Variants in ADAMTS16 observed in about 807,000 individuals in gnomAD.
ADAMTS16 encodes A disintegrin and metalloproteinase with thrombospondin motifs 16.
A neutral mutation model predicts 145.8 loss-of-function variants in ADAMTS16; 94 were observed. The ratio of observed to expected loss-of-function variants is 0.64; its 90% confidence interval spans 0.55 to 0.77. ADAMTS16 has a LOEUF of 0.77. Ranked by LOEUF, ADAMTS16 falls within the 30% of genes least tolerant of loss-of-function variation. The pLI is 0.00. For synonymous variants in ADAMTS16, 659 were observed against 604.3 expected (o/e 1.09, Z -1.33); for missense variants, 1,585 against 1,591.5 (o/e 1.00, Z 0.07).
At chr5:5,215,583 A>G (rs1234155491) in intron 10 of ADAMTS16, among the ~76,000 whole-genome samples, 10 of 151,822 alleles carry the variant, frequency 6.6e-5, no homozygotes. Flanking sequence ...AGAACATACA[A>G]TATTTGATTT....
rs1036729111 is a variant in ADAMTS16, at chr5:5,303,441, C to T, written c.2963C>T (p.Pro988Leu). Reference protein sequence around the residue: ...RQACNSQSCPPAWSAGPWAEC... With the variant: ...RQACNSQSCPLAWSAGPWAEC... Reference sequence around the variant, plus strand: ...GCCTGCAACTCTCAGAGCTGCCCACCTGCATGGAGCGCCGGGCCCTGGGCA... The same window carrying T: ...GCCTGCAACTCTCAGAGCTGCCCACTTGCATGGAGCGCCGGGCCCTGGGCA... The change falls in exon 19 of 23, where the codon CCT becomes CTT. Residue 988 changes from proline to leucine, a missense_variant. Physicochemically the swap from Pro to Leu is moderately conservative, Grantham distance 98. Around this residue, in one of 3 missense-constraint regions of ADAMTS16, gnomAD observed 834 missense variants for 811.7 expected, o/e 1.03. Coordinates refer to ENST00000274181, the MANE Select transcript of ADAMTS16 (RefSeq NM_139056.4). 8.7e-6 allele frequency: 14 copies of T among 1,611,128 alleles called. No individual in the cohort carries two copies. Among genetic ancestry groups the T allele is most frequent in the Admixed American group, 1.7e-5 (1 of 59,670 alleles).
chr5:5,198,721 G>T (rs1735875932), intron 8 of ADAMTS16, among the ~76,000 whole-genome samples: 1 of 152,138 alleles, frequency 6.6e-6, no homozygotes, highest in Admixed American at 6.5e-5. Context: ...TTACTAAATA[G>T]CTCTAAGCAA....
At position 5,140,340 on chromosome 5, in the gene ADAMTS16, CCGGCGCGGCGG is replaced by C; in HGVS notation, c.-124_-114del. ...GCCGCACGGAGCTTCAGTAATAACCCCGGCGCGGCGGCGGAGTCGCTGTGGGGAATCCTCCC... is the reference window on the plus strand; with the variant it reads ...GCCGCACGGAGCTTCAGTAATAACCCCGGAGTCGCTGTGGGGAATCCTCCC... On this transcript the variant is annotated 5_prime_UTR_variant, in exon 1 of 23. Coordinates refer to ENST00000274181, the MANE Select transcript of ADAMTS16 (RefSeq NM_139056.4). 1.0e-6 allele frequency: 1 copy of C among 973,036 alleles called. No homozygotes were observed. Among genetic ancestry groups the C allele is most frequent in the Non-Finnish European group, 1.4e-6 (1 of 710,790 alleles). 60.3% of individuals were successfully genotyped at this position (973,036 alleles called of 1,614,324 possible).
chr5:5,254,743 T>G (rs1737730766), intron 17 of ADAMTS16, among the ~76,000 whole-genome samples: 2 of 152,210 alleles, frequency 1.3e-5, no homozygotes, highest in African/African-American at 4.8e-5. Context: ...CTATGAATCA[T>G]TATCTGGTGA....
intron 9 of ADAMTS16, among the ~76,000 whole-genome samples, chr5:5,208,721 T>C (rs1009945575): frequency 6.6e-6 from 1 of 152,228 alleles, no homozygotes; most frequent in Non-Finnish European, 1.5e-5. Flanking sequence ...ATTTTTATAA[T>C]GCCCATCTTT....
chr5:5,200,328 G>A, intron 9 of ADAMTS16, 59 bp downstream of exon 9: 2 of 1,600,012 alleles, frequency 1.2e-6, no homozygotes, highest in Non-Finnish European at 8.5e-7. Context: ...TCACTGCCTG[G>A]TCAGCCAGAT....
At chr5:5,266,859 A>G (rs1264911823) in intron 18 of ADAMTS16, among the ~76,000 whole-genome samples, 3 of 152,178 alleles carry the variant, frequency 2.0e-5, no homozygotes, top group African/African-American at 7.2e-5. Context: ...TCAAAACATC[A>G]CTTTCCAAGC....
At chr5:5,307,258 G>T (rs72647763) in intron 21 of ADAMTS16, among the ~76,000 whole-genome samples, 1,622 of 152,258 alleles carry the variant, frequency 0.011, 13 homozygotes, top group Non-Finnish European at 0.016. Flanking sequence ...TCGGGTCGGG[G>T]TGGGCCCAGA....
chr5:5,281,329 T>A (rs1738897897), intron 18 of ADAMTS16, among the ~76,000 whole-genome samples: 1 of 152,232 alleles, frequency 6.6e-6, no homozygotes, highest in African/African-American at 2.4e-5. Flanking sequence ...TTAAAACTTT[T>A]GTATTAAAAC....
intron 4 of ADAMTS16, among the ~76,000 whole-genome samples, chr5:5,183,399 G>C (rs746250565): frequency 6.6e-6 from 1 of 152,234 alleles, no homozygotes; most frequent in African/African-American, 2.4e-5. Flanking sequence ...GATGCGTGGC[G>C]GAGGCTTCCC....
chr5:5,217,673 G>T lies in ADAMTS16; in HGVS notation c.1606-5116G>T, dbSNP rs191667514. The stretch of plus-strand genomic sequence containing the variant: ...GTGGTGTTAAACCTTAACCAAGTTG[G>T]TATTACTGAAATTGGTTTTTGTGAA... On this transcript the variant is annotated intron_variant, in intron 10 of 22. Transcript: ENST00000274181. 3.3e-4 allele frequency among the ~76,000 whole-genome samples: 50 copies of T among 152,244 alleles called. 1 individual carries two copies. The East Asian group carries it at 9.1e-3, about 28-fold the overall frequency.
At chr5:5,170,492 C>G (rs888557624) in intron 3 of ADAMTS16, among the ~76,000 whole-genome samples, 1 of 152,112 alleles carries the variant, frequency 6.6e-6, no homozygotes, top group Admixed American at 6.6e-5. Flanking sequence ...GATTCTCCTG[C>G]CTCAGCCCCC....
At chr5:5,209,321 A>G (rs1736213834) in intron 10 of ADAMTS16, 75 bp downstream of exon 10, 2 of 1,535,494 alleles carry the variant, frequency 1.3e-6, no homozygotes, top group African/African-American at 2.7e-5. Context: ...TGATGTTGAT[A>G]TATTCTGCAT....
chr5:5,152,030 T>C (rs1052989190), intron 3 of ADAMTS16, among the ~76,000 whole-genome samples: 5 of 152,368 alleles, frequency 3.3e-5, no homozygotes, highest in Admixed American at 6.5e-5. Flanking sequence ...TTATTTCACT[T>C]AGCATATTGT....
intron 3 of ADAMTS16, among the ~76,000 whole-genome samples, chr5:5,160,075 G>A (rs903739720): frequency 4.6e-5 from 7 of 152,176 alleles, no homozygotes; most frequent in Non-Finnish European, 7.3e-5. Flanking sequence ...ATCTTTTATA[G>A]CACATGTCTA....
At chr5:5,211,854 C>T (rs1446390044) in intron 10 of ADAMTS16, among the ~76,000 whole-genome samples, 1 of 152,016 alleles carries the variant, frequency 6.6e-6, no homozygotes, top group African/African-American at 2.4e-5. Flanking sequence ...AAATAATTCT[C>T]CAGATAACTT....
chr5:5,282,077 C>T (rs1363655177), intron 18 of ADAMTS16, among the ~76,000 whole-genome samples: 8 of 151,532 alleles, frequency 5.3e-5, no homozygotes, highest in East Asian at 3.9e-4. Context: ...TAGCAGCCTC[C>T]GACCCTCATG....
intron 3 of ADAMTS16, among the ~76,000 whole-genome samples, chr5:5,153,391 C>A (rs1323996388): frequency 6.7e-6 from 1 of 148,866 alleles, no homozygotes; most frequent in Non-Finnish European, 1.5e-5. Flanking sequence ...TAAACATTAA[C>A]CTAAATTCAT....
chr5:5,208,209 G>A (rs1736181867), intron 9 of ADAMTS16, among the ~76,000 whole-genome samples: 1 of 151,904 alleles, frequency 6.6e-6, no homozygotes, highest in Non-Finnish European at 1.5e-5. Context: ...GGGACTGGGG[G>A]TCCTAGAAAT....
Sources: allele counts gnomAD v4.1 joint callset (sites outside exome capture counted in the v4.1 genomes callset), GRCh38; gene constraint gnomAD v4.1.1; regional missense constraint gnomAD v4.1.1; transcripts MANE v1.5; gene names NCBI Gene and HGNC (gene_info 2026-07-23, HGNC 2026-07-21).